The following MED15 variants were observed in gnomAD, a reference collection of about 807,000 sequenced individuals.
The protein encoded by MED15 is mediator of RNA polymerase II transcription subunit 15.
MED15 carries 41 observed loss-of-function variants against 118.7 expected under a neutral mutation model. The ratio of observed to expected loss-of-function variants is 0.35; its 90% CI spans 0.27 to 0.45. The LOEUF (loss-of-function observed/expected upper bound fraction) is 0.45, where lower values mean the gene tolerates loss of function less well. MED15 is among the 20% of genes least tolerant of loss of function. MED15 has a pLI of 1.00. For synonymous variants in MED15, 436 were observed against 413.9 expected, an observed-to-expected ratio of 1.05 and a Z score of -0.65; for missense variants, 740 against 1,025.5, an observed-to-expected ratio of 0.72 and a Z score of 3.80.
chr22:20,575,077 G>A, intron 8 of MED15, 36 bp from the exon 9 acceptor site: 9 of 1,611,314 alleles, frequency 5.6e-6, no homozygotes, highest in Non-Finnish European at 7.6e-6. Context: ...TTTCTTTGTT[G>A]CGATCACCTT....
At chr22:20,552,905 G>T (rs1479668404) in intron 3 of MED15, among the ~76,000 whole-genome samples, 1 of 152,168 alleles carries the variant, frequency 6.6e-6, no homozygotes, top group Non-Finnish European at 1.5e-5. Context: ...CTTCAGCCTT[G>T]GGGGCAGCTC....
rs1427759481 is a variant in MED15, at chr22:20,585,090, C to T, written c.1965-11C>T. On this transcript the variant is annotated splice_polypyrimidine_tract_variant and intron_variant, in intron 15 of 17. Transcript: ENST00000263205. ...CGTGTGCCAGGTGTGGTCACCATGC[C>T]GCCTCCCCAGGGCCCCAGTGGTGTG... 3.1e-6 allele frequency: 5 copies of T among 1,613,306 alleles called. No individual in the cohort carries two copies. The highest frequency in any genetic ancestry group is 1.7e-5 in the Admixed American group (1 of 59,990).
chr22:20,528,047 C>T (rs1015055652), intron 1 of MED15, among the ~76,000 whole-genome samples: 2 of 152,046 alleles, frequency 1.3e-5, no homozygotes, highest in African/African-American at 4.8e-5. Flanking sequence ...GTGCGAACCA[C>T]TGCACCTGGC....
intron 2 of MED15, among the ~76,000 whole-genome samples, chr22:20,550,590 C>T (rs972689745): frequency 3.3e-5 from 5 of 152,260 alleles, no homozygotes; most frequent in Non-Finnish European, 7.3e-5. Context: ...GGCACGGAGC[C>T]GGGGCTTTGC....
At chr22:20,559,926 T>C (rs769899970) in intron 5 of MED15, among the ~76,000 whole-genome samples, 13 of 152,206 alleles carry the variant, frequency 8.5e-5, no homozygotes, top group Non-Finnish European at 1.6e-4. Flanking sequence ...ACGTTGAGCA[T>C]AGGTGATAGT....
intron 5 of MED15, among the ~76,000 whole-genome samples, chr22:20,560,223 C>T (rs997485600): frequency 6.6e-6 from 1 of 152,092 alleles, no homozygotes; most frequent in Non-Finnish European, 1.5e-5. Flanking sequence ...AACCTCCATA[C>T]AGACTTGCCA....
At position 20,555,068 on chromosome 22, in the gene MED15, C is replaced by T. The variant is rs2055938334; in HGVS notation, c.371C>T (p.Ser124Phe). The change falls in exon 5 of 18, where the codon TCT (serine) becomes TTT (phenylalanine). Residue 124 changes from serine (S) to phenylalanine (F), a missense_variant. Physicochemically the swap from Ser to Phe is radical, Grantham distance 155. This residue lies in a region of MED15 where 117 missense variants were observed against 124.6 expected (regional missense o/e 0.94). Coordinates refer to ENST00000263205, the MANE Select transcript of MED15 (RefSeq NM_001003891.3). ...GSLGAMGQPM[S>F]LSGQPPPGTS... is the part of the protein sequence containing the mutation. Reference sequence around the variant, plus strand: ...CTTGGTGCCATGGGACAGCCAATGTCTCTCTCAGGGCAGCCGCCTCCTGGG... The same window carrying T: ...CTTGGTGCCATGGGACAGCCAATGTTTCTCTCAGGGCAGCCGCCTCCTGGG... The T allele has an allele frequency of 1.2e-6, 2 of 1,612,870 alleles. No homozygotes were observed. Among genetic ancestry groups the T allele is most frequent in the Non-Finnish European group, 8.5e-7 (1 of 1,179,944 alleles).
intron 1 of MED15, among the ~76,000 whole-genome samples, chr22:20,511,282 C>A (rs916997831): frequency 6.6e-6 from 1 of 151,992 alleles, no homozygotes; most frequent in South Asian, 2.1e-4. Flanking sequence ...AGGCTGAGAT[C>A]TGGGACTACT....
At chr22:20,585,891 G>A in intron 17 of MED15, 65 bp downstream of exon 17, 1 of 1,477,566 alleles carries the variant, frequency 6.8e-7, no homozygotes, top group Non-Finnish European at 9.3e-7. Flanking sequence ...GGAAAACCAG[G>A]CTTCCACTGC....
intron 9 of MED15, among the ~76,000 whole-genome samples, chr22:20,579,719 G>A (rs925352611): frequency 6.6e-6 from 1 of 152,112 alleles, no homozygotes; most frequent in African/African-American, 2.4e-5. Context: ...CATTGTTGCT[G>A]GGGTGGTGGT....
At chr22:20,566,066 C>G (rs1216184092) in intron 6 of MED15, among the ~76,000 whole-genome samples, 1 of 143,104 alleles carries the variant, frequency 7.0e-6, no homozygotes, top group Admixed American at 7.1e-5. Flanking sequence ...TTTTTTTTGC[C>G]TCTTACTCTG....
intron 16 of MED15, 180 bp downstream of exon 16, chr22:20,585,447 C>T: frequency 7.1e-6 from 6 of 849,578 alleles, no homozygotes; most frequent in Non-Finnish European, 1.1e-5. Context: ...ATGCCTCAGT[C>T]CCCACTGCCA....
intron 2 of MED15, among the ~76,000 whole-genome samples, chr22:20,550,149 G>A (rs1481769892): frequency 6.6e-6 from 1 of 152,126 alleles, no homozygotes; most frequent in Non-Finnish European, 1.5e-5. Context: ...AGTGTCCTCA[G>A]GTTCCCACAC....
intron 2 of MED15, among the ~76,000 whole-genome samples, chr22:20,546,504 T>G (rs2055544379): frequency 6.7e-6 from 1 of 148,364 alleles, no homozygotes; most frequent in Non-Finnish European, 1.5e-5. Context: ...TACATGGAGT[T>G]TTTTTTGTTT....
chr22:20,537,680 A>G (rs1421034410), intron 2 of MED15, among the ~76,000 whole-genome samples: 1 of 152,272 alleles, frequency 6.6e-6, no homozygotes, highest in Non-Finnish European at 1.5e-5. Context: ...GGAGTGGAGA[A>G]GAAGGATTTC....
intron 1 of MED15, among the ~76,000 whole-genome samples, chr22:20,533,177 G>A (rs1199553600): frequency 6.6e-6 from 1 of 152,112 alleles, no homozygotes; most frequent in Non-Finnish European, 1.5e-5. Context: ...CTCCCGCAGC[G>A]GGTGTGTTAG....
rs766447113 is a variant in MED15, at chr22:20,582,903, C to T, written c.1473C>T (p.Ser491=). The change falls in exon 11 of 18, where the codon AGC becomes AGT. Residue 491 remains serine, a synonymous_variant. Transcript: ENST00000263205. ...GCCCCTCACCGCAGCCCTCCCAGAG[C>T]CCAGTGACGGCGCGGACCCCACAGA... is the stretch of plus-strand genomic sequence containing the variant. ...LPSPSPQPSQ[S]PVTARTPQNF... The T allele has an allele frequency of 6.2e-7, 1 of 1,613,714 alleles. No homozygotes were observed. Among genetic ancestry groups the T allele is most frequent in the African/African-American group, 1.3e-5 (1 of 75,040 alleles).
intron 1 of MED15, among the ~76,000 whole-genome samples, chr22:20,524,038 T>C (rs940998958): frequency 1.3e-5 from 2 of 152,196 alleles, no homozygotes; most frequent in Non-Finnish European, 2.9e-5. Flanking sequence ...GAGAGTTAAA[T>C]TCTGAAGTAT....
chr22:20,547,923 C>T (rs1429807644), intron 2 of MED15, among the ~76,000 whole-genome samples: 1 of 152,102 alleles, frequency 6.6e-6, no homozygotes, highest in Non-Finnish European at 1.5e-5. Context: ...TCACTTGAGC[C>T]CAGGAAGTTG....
Sources: allele counts gnomAD v4.1 joint callset (sites outside exome capture counted in the v4.1 genomes callset), GRCh38; gene constraint gnomAD v4.1.1; regional missense constraint gnomAD v4.1.1; transcripts MANE v1.5; gene names NCBI Gene and HGNC (gene_info 2026-07-23, HGNC 2026-07-21).